The following MICU2 variants were observed in gnomAD, a reference collection of about 807,000 sequenced individuals.
MICU2 encodes the protein mitochondrial calcium uptake 2.
Under a neutral mutation model 60.4 loss-of-function variants are expected in MICU2, and 64 were observed. The observed-to-expected ratio is 1.06, with a 90% CI of 0.87 to 1.31. The LOEUF (loss-of-function observed/expected upper bound fraction) is 1.31, where lower values mean the gene tolerates loss of function less well. MICU2 is among the 50% of genes most tolerant of loss of function. The pLI is 0.00. For missense variants in MICU2, 569 were observed against 531.0 expected, an observed-to-expected ratio of 1.07 and a Z score of -0.70; for synonymous variants, 201 against 175.0, an observed-to-expected ratio of 1.15 and a Z score of -1.17.
At chr13:21,556,038 C>A (rs940720178) in intron 2 of MICU2, among the ~76,000 whole-genome samples, 2 of 152,150 alleles carry the variant, frequency 1.3e-5, no homozygotes, top group Non-Finnish European at 2.9e-5. Flanking sequence ...TCCTCTTGAT[C>A]GCATTTCCAC....
chr13:21,586,100 A>T (rs891410148), intron 1 of MICU2, among the ~76,000 whole-genome samples: 1 of 152,276 alleles, frequency 6.6e-6, no homozygotes, highest in Admixed American at 6.5e-5. Context: ...TATATTTATC[A>T]TAATTGTTGC....
chr13:21,507,338 A>T (rs1886313968), intron 8 of MICU2, among the ~76,000 whole-genome samples: 1 of 152,080 alleles, frequency 6.6e-6, no homozygotes, highest in East Asian at 1.9e-4. Flanking sequence ...AAGTAGAGTG[A>T]CATATTAGTA....
chr13:21,501,364 A>T lies in MICU2; in HGVS notation c.933+1562T>A, dbSNP rs574200213. On this transcript the variant is annotated intron_variant, in intron 9 of 11. Coordinates refer to ENST00000382374, the MANE Select transcript of MICU2 (RefSeq NM_152726.3). ...TGAAAGCTCTGCCTCCAGGGTTCAC[A>T]CTATTCTCCTGCCTCAGCCTCCCGA... 2.0e-5 allele frequency among the ~76,000 whole-genome samples: 3 copies of T among 151,636 alleles called. No individual in the cohort carries two copies. The South Asian group carries it at 6.2e-4, about 32-fold the overall frequency.
At chr13:21,498,472 A>G (rs1886059154) in intron 9 of MICU2, among the ~76,000 whole-genome samples, 1 of 135,778 alleles carries the variant, frequency 7.4e-6, no homozygotes, top group Admixed American at 9.1e-5. Flanking sequence ...TCTGCTTCCC[A>G]GGTTCAAGCA....
intron 1 of MICU2, among the ~76,000 whole-genome samples, chr13:21,577,078 G>C (rs889000990): frequency 6.6e-6 from 1 of 152,112 alleles, no homozygotes; most frequent in African/African-American, 2.4e-5. Flanking sequence ...ATTGGTCTTT[G>C]TACAATTCAG....
intron 9 of MICU2, among the ~76,000 whole-genome samples, chr13:21,497,802 C>A (rs1886039042): frequency 1.3e-5 from 2 of 152,210 alleles, no homozygotes; most frequent in Non-Finnish European, 2.9e-5. Context: ...GTGACCCAGG[C>A]TGGAGTCCAG....
At chr13:21,570,210 TG>T (rs1888076497) in intron 1 of MICU2, among the ~76,000 whole-genome samples, 2 of 152,188 alleles carry the variant, frequency 1.3e-5, no homozygotes, top group African/African-American at 4.8e-5. Flanking sequence ...GGAAAAAACA[TG>T]TATTGTTCTG....
chr13:21,604,067 C>A lies in MICU2; in HGVS notation c.82G>T (p.Ala28Ser). 2 of 1,602,548 alleles carry A rather than the reference C, an allele frequency of 1.2e-6. No homozygotes were observed. The highest frequency in any genetic ancestry group is 1.7e-6 in the Non-Finnish European group (2 of 1,175,876). ...LRRGLAVSRQ[A>S]VRSPGPLAAA... ...GCCAAGGGGCCGGGACTCCGCACAGCCTGTCGGCTGACAGCGAGCCCCCGT... is the reference window on the plus strand; with the variant it reads ...GCCAAGGGGCCGGGACTCCGCACAGACTGTCGGCTGACAGCGAGCCCCCGT... The change falls in exon 1 of 12, where the codon GCT becomes TCT. Residue 28 changes from alanine (A) to serine (S), a missense_variant. Physicochemically the swap from Ala to Ser is moderately conservative, Grantham distance 99. Transcript: ENST00000382374.
At chr13:21,569,457 A>G (rs1204885200) in intron 1 of MICU2, among the ~76,000 whole-genome samples, 1 of 152,084 alleles carries the variant, frequency 6.6e-6, no homozygotes, top group African/African-American at 2.4e-5. Flanking sequence ...GCAGATTGTA[A>G]TCCTACCATT....
At chr13:21,564,812 C>T (rs1887936164) in intron 2 of MICU2, among the ~76,000 whole-genome samples, 1 of 152,146 alleles carries the variant, frequency 6.6e-6, no homozygotes, top group Non-Finnish European at 1.5e-5. Context: ...ACTGTGAGAA[C>T]CTGGCAGAGT....
chr13:21,541,745 G>A (rs538373258), intron 2 of MICU2, among the ~76,000 whole-genome samples: 3 of 152,060 alleles, frequency 2.0e-5, no homozygotes, highest in African/African-American at 4.8e-5. Flanking sequence ...AAGAGCCTGC[G>A]GCCTACTTTC....
rs556834139 is a variant in MICU2, at chr13:21,575,199, C to T, written c.211-8255G>A. On this transcript the variant is annotated intron_variant, in intron 1 of 11. Coordinates refer to ENST00000382374, the MANE Select transcript of MICU2 (RefSeq NM_152726.3). ...CATACACACATAATTTTTTTTTCAACCCCATAGATTTCTATCTGGAGAACA... is the reference window on the plus strand; with the variant it reads ...CATACACACATAATTTTTTTTTCAATCCCATAGATTTCTATCTGGAGAACA... 4.0e-5 allele frequency among the ~76,000 whole-genome samples: 6 copies of T among 151,864 alleles called. No homozygotes were observed. In the East Asian group the frequency reaches 5.8e-4, roughly 15 times the overall value.
intron 1 of MICU2, among the ~76,000 whole-genome samples, chr13:21,595,829 G>A (rs1888680605): frequency 6.6e-6 from 1 of 152,230 alleles, no homozygotes; most frequent in Non-Finnish European, 1.5e-5. Context: ...CCTCTCCTAA[G>A]TCTTTAGTTC....
At chr13:21,575,168 G>GACACACAT (rs1010071998) in intron 1 of MICU2, among the ~76,000 whole-genome samples, 2 of 150,204 alleles carry the variant, frequency 1.3e-5, no homozygotes, top group Admixed American at 6.7e-5. Flanking sequence ...TACACACACA[G>GACACACAT]ACACACATAC....
At chr13:21,541,288 T>C (rs1380572434) in intron 2 of MICU2, among the ~76,000 whole-genome samples, 6 of 151,632 alleles carry the variant, frequency 4.0e-5, no homozygotes, top group Non-Finnish European at 7.4e-5. Flanking sequence ...ACTGAGTGAG[T>C]AAAGAAGGTA....
chr13:21,493,342 A>T lies in MICU2; in HGVS notation c.1212T>A (p.His404Gln). ...RMHRGLWVPQ[H>Q]QSIQEYWKCV... The stretch of plus-strand genomic sequence containing the variant: ...ACTTCCAGTATTCTTGTATACTCTG[A>T]TGTTGTGGTACCTGTTAACCGAAAG... The change falls in exon 12 of 12, where the codon CAT (histidine) becomes CAA (glutamine). Residue 404 changes from histidine to glutamine, a missense_variant. Transcript: ENST00000382374. 1 of 1,602,872 alleles carries T rather than the reference A, an allele frequency of 6.2e-7. No homozygotes were observed. The highest frequency in any genetic ancestry group is 8.5e-7 in the Non-Finnish European group (1 of 1,175,804).
At chr13:21,560,654 A>T (rs982457770) in intron 2 of MICU2, among the ~76,000 whole-genome samples, 8 of 152,172 alleles carry the variant, frequency 5.3e-5, no homozygotes, top group African/African-American at 1.9e-4. Context: ...ACGTGTGCAT[A>T]CATGTGTGAG....
At chr13:21,524,198 G>A (rs1429708006) in intron 4 of MICU2, among the ~76,000 whole-genome samples, 1 of 151,934 alleles carries the variant, frequency 6.6e-6, no homozygotes, top group Non-Finnish European at 1.5e-5. Flanking sequence ...TTTTAATCAT[G>A]GAAAACTTCA....
intron 4 of MICU2, among the ~76,000 whole-genome samples, chr13:21,525,472 T>A (rs1295270701): frequency 1.3e-5 from 2 of 152,074 alleles, no homozygotes; most frequent in African/African-American, 4.8e-5. Context: ...ACTACAGGCG[T>A]GAGCCACCGC....
Sources: gnomAD v4.1 joint callset for allele counts (sites outside exome capture counted in the v4.1 genomes callset) on GRCh38, gnomAD v4.1.1 for gene constraint, MANE v1.5 for transcripts, NCBI Gene and HGNC (gene_info 2026-07-23, HGNC 2026-07-21) for gene names.